The following MON2 variants were observed in gnomAD, a reference collection of about 807,000 sequenced individuals.
The protein encoded by MON2 is MON2 regulator of endosome-to-Golgi trafficking.
Under a neutral mutation model 208.6 loss-of-function variants are expected in MON2, and 84 were observed. That is an observed-to-expected ratio of 0.40 (90% CI 0.34 to 0.48). The LOEUF is 0.48. Among genes scored for constraint, MON2 ranks in the 20% least tolerant of loss-of-function variants. MON2 has a pLI of 0.59. For synonymous variants in MON2, 660 were observed against 694.0 expected, an observed-to-expected ratio of 0.95 and a Z score of 0.77; for missense variants, 1,611 against 2,015.4, an observed-to-expected ratio of 0.80 and a Z score of 3.84.
At chr12:62,487,094 C>CTGACATA (rs2069843107) in intron 2 of MON2, among the ~76,000 whole-genome samples, 1 of 151,994 alleles carries the variant, frequency 6.6e-6, no homozygotes, top group Admixed American at 6.6e-5. Flanking sequence ...GTCATGAATG[C>CTGACATA]TGACATAAGT....
chr12:62,519,077 G>T (rs925956608), intron 8 of MON2, among the ~76,000 whole-genome samples: 2 of 152,162 alleles, frequency 1.3e-5, no homozygotes, highest in Non-Finnish European at 2.9e-5. Flanking sequence ...TCTCAAGACT[G>T]CTTTATACTC....
chr12:62,479,905 C>G (rs760324005), intron 1 of MON2, among the ~76,000 whole-genome samples: 1 of 152,104 alleles, frequency 6.6e-6, no homozygotes, highest in Non-Finnish European at 1.5e-5. Context: ...AAGCAAGAAG[C>G]TAACAATTTT....
rs753828003 is a variant in MON2, at chr12:62,532,438, C to T, written c.1401C>T (p.Tyr467=). ...TATTCTATATTTTTCATAATTTCAG[C>T]TTAGAAATGTTGGACAAAGTTGAGC... is the stretch of plus-strand genomic sequence containing the variant. The part of the protein sequence containing the change: ...ITVQGSAKAT[Y]LEMLDKVEPP... Residue 467 remains tyrosine (Y), a splice_region_variant and synonymous_variant, in exon 12 of 35, where the codon TAC becomes TAT. Coordinates refer to ENST00000393630, the MANE Select transcript of MON2 (RefSeq NM_015026.3). The T allele has an allele frequency of 2.6e-5, 42 of 1,608,166 alleles. No homozygotes were observed. Among genetic ancestry groups the T allele is most frequent in the Non-Finnish European group, 3.6e-5 (42 of 1,174,880 alleles).
At chr12:62,468,733 T>C (rs1324683521) in intron 1 of MON2, among the ~76,000 whole-genome samples, 1 of 152,242 alleles carries the variant, frequency 6.6e-6, no homozygotes, top group Non-Finnish European at 1.5e-5. Context: ...CAAGTAAATC[T>C]AAAGAATTAG....
intron 2 of MON2, among the ~76,000 whole-genome samples, chr12:62,490,977 T>A (rs1289926089): frequency 1.3e-5 from 2 of 152,146 alleles, no homozygotes; most frequent in African/African-American, 4.8e-5. Flanking sequence ...ATCCCCTGAT[T>A]GGTATGCATC....
At chr12:62,488,033 G>A (rs1335236586) in intron 2 of MON2, among the ~76,000 whole-genome samples, 1 of 152,130 alleles carries the variant, frequency 6.6e-6, no homozygotes, top group East Asian at 1.9e-4. Context: ...GAAATAGTAA[G>A]CCCTCTTTAA....
rs1207201504 is a variant in MON2 at position 62,524,952 on chromosome 12, T to A, written c.1110-132T>A. ...AACCTTTGTCCTAAATTGGTAAAATTACTGAGTTGTAATGAAGAATGTTTT... is the reference window on the plus strand; with the variant it reads ...AACCTTTGTCCTAAATTGGTAAAATAACTGAGTTGTAATGAAGAATGTTTT... On this transcript the variant is annotated intron_variant, in intron 9 of 34. Coordinates refer to ENST00000393630, the MANE Select transcript of MON2 (RefSeq NM_015026.3). 3 of 841,390 alleles carry A rather than the reference T, an allele frequency of 3.6e-6. No individual in the cohort carries two copies. In the East Asian group the frequency reaches 8.0e-5, roughly 22 times the overall value. 52.1% of individuals were successfully genotyped at this position (841,390 alleles called of 1,614,324 possible).
At chr12:62,554,933 T>C (rs902562489) in intron 24 of MON2, among the ~76,000 whole-genome samples, 4 of 152,112 alleles carry the variant, frequency 2.6e-5, no homozygotes, top group Admixed American at 2.6e-4. Context: ...TAGCTGGGAC[T>C]ACACGCGCCC....
At chr12:62,490,328 GTTTTTT>G (rs201990687) in intron 2 of MON2, among the ~76,000 whole-genome samples, 1 of 149,936 alleles carries the variant, frequency 6.7e-6, no homozygotes, top group Non-Finnish European at 1.5e-5. Context: ...AGCTTTTTCT[GTTTTTT>G]TTTGTTTTGT....
intron 34 of MON2, chr12:62,588,769 A>G (rs1042264072): frequency 1.3e-5 from 9 of 703,036 alleles, no homozygotes; most frequent in Admixed American, 3.1e-5. Flanking sequence ...ATTTCCCACA[A>G]TAGATTTCAT....
intron 8 of MON2, among the ~76,000 whole-genome samples, chr12:62,513,172 C>T (rs1436836098): frequency 6.6e-6 from 1 of 152,196 alleles, no homozygotes; most frequent in Admixed American, 6.5e-5. Flanking sequence ...CTCCTTGTTA[C>T]TTATGCAAAT....
chr12:62,599,510 G>A lies in MON2; in HGVS notation c.*6761G>A, dbSNP rs545246066. 3.3e-5 allele frequency: 5 copies of A among 152,252 alleles called. No homozygotes were observed. The highest frequency in any genetic ancestry group is 9.6e-5 in the African/African-American group (4 of 41,536). 9.4% of individuals were successfully genotyped at this position (152,252 alleles called of 1,614,324 possible). ...ATAGTTAAAATAATTTTTCTGATGC[G>A]TAATTTTAACCACCATTTCTGGAGT... is the stretch of plus-strand genomic sequence containing the variant. On this transcript the variant is annotated 3_prime_UTR_variant, in exon 35 of 35. Coordinates refer to ENST00000393630, the MANE Select transcript of MON2 (RefSeq NM_015026.3).
At position 62,505,632 on chromosome 12, in the gene MON2, G is replaced by A. The variant is rs535232136; in HGVS notation, c.790-2654G>A. On this transcript the variant is annotated intron_variant, in intron 7 of 34. Coordinates refer to ENST00000393630, the MANE Select transcript of MON2 (RefSeq NM_015026.3). ...GCAGTGGCTCACACCTGTAATCTTA[G>A]CTCTTTGTGGGGCTGAGGCAGTCAG... is the stretch of plus-strand genomic sequence containing the variant. 5.0e-4 allele frequency among the ~76,000 whole-genome samples: 76 copies of A among 152,204 alleles called. 1 individual carries two copies. The highest frequency in any genetic ancestry group is 1.9e-3 in the East Asian group (10 of 5,180).
Position 62,521,501 on chromosome 12 carries a change from C to T in MON2, c.985-3014C>T, listed in dbSNP as rs980304652. Among the ~76,000 whole-genome samples, 4 of 152,206 alleles carry T rather than the reference C, an allele frequency of 2.6e-5. No individual in the cohort carries two copies. In the East Asian group the frequency reaches 7.7e-4, roughly 29 times the overall value. On this transcript the variant is annotated intron_variant, in intron 8 of 34. Transcript: ENST00000393630. ...AAAATAAGTCTGAAATTGCAGACCA[C>T]CTGAAATGGTCTCAGGGACTCCTAA...
chr12:62,589,061 T>G, intron 34 of MON2: 1 of 498,952 alleles, frequency 2.0e-6, no homozygotes, highest in Non-Finnish European at 3.4e-6. Flanking sequence ...CAGACCATGT[T>G]TTGTTCTATT....
At position 62,560,824 on chromosome 12, in the gene MON2, A is replaced by G; in HGVS notation, c.3743A>G (p.Tyr1248Cys). ...TGGTGGGCTGCGTGGAATACCTGGT[A>G]TAGAATTGGATCTGAAAGTACTAAG... ...NLWWAAWNTWYRIGSESTKPP... is the reference protein window; with the variant it reads ...NLWWAAWNTWCRIGSESTKPP... Residue 1248 changes from tyrosine to cysteine, a missense_variant, in exon 26 of 35, where the codon TAT becomes TGT. Transcript: ENST00000393630. 1 of 1,614,142 alleles carries G rather than the reference A, an allele frequency of 6.2e-7. No individual in the cohort carries two copies. Among genetic ancestry groups the G allele is most frequent in the East Asian group, 2.2e-5 (1 of 44,874 alleles).
intron 24 of MON2, among the ~76,000 whole-genome samples, chr12:62,554,867 T>C (rs2073899494): frequency 3.3e-5 from 5 of 152,102 alleles, no homozygotes; most frequent in African/African-American, 1.2e-4. Context: ...TGATCTCTGC[T>C]CACTGCAAGC....
chr12:62,533,121 G>A (rs1310850015), intron 12 of MON2, among the ~76,000 whole-genome samples: 1 of 152,106 alleles, frequency 6.6e-6, no homozygotes, highest in Non-Finnish European at 1.5e-5. Context: ...TTGAGTACAA[G>A]TCAGTCAGTT....
chr12:62,561,245 G>A, intron 26 of MON2, 132 bp downstream of exon 26: 2 of 685,680 alleles, frequency 2.9e-6, no homozygotes, highest in Admixed American at 3.6e-5. Flanking sequence ...GATAAACTGA[G>A]GATTGTCAAG....
Sources: gnomAD v4.1 joint callset for allele counts (sites outside exome capture counted in the v4.1 genomes callset) on GRCh38, gnomAD v4.1.1 for gene constraint, MANE v1.5 for transcripts, NCBI Gene and HGNC (gene_info 2026-07-23, HGNC 2026-07-21) for gene names.